The following TBXAS1 variants were observed in gnomAD, a reference collection of about 807,000 sequenced individuals.
TBXAS1 encodes the protein thromboxane A synthase 1, also known as thromboxane-A synthase.
In TBXAS1, 48 loss-of-function variants were observed where a neutral mutation model predicts 60.7. The observed-to-expected ratio is 0.79, with a 90% CI of 0.63 to 1.01. The LOEUF (loss-of-function observed/expected upper bound fraction) is 1.01. Among genes scored for constraint, TBXAS1 ranks in the 50% least tolerant of loss-of-function variants. The probability of loss-of-function intolerance (pLI) is 0.00; values close to 1 mark genes in which losing one functional copy is unlikely to be tolerated. For synonymous variants in TBXAS1, 287 were observed against 269.7 expected, an observed-to-expected ratio of 1.06 and a Z score of -0.63; for missense variants, 685 against 686.3, an observed-to-expected ratio of 1.00 and a Z score of 0.02.
intron 4 of TBXAS1, among the ~76,000 whole-genome samples, chr7:139,818,311 C>G (rs1798206196): frequency 6.6e-6 from 1 of 152,096 alleles, no homozygotes; most frequent in African/African-American, 2.4e-5. Flanking sequence ...GGTGCAGGTA[C>G]AAGTCAGACT....
intron 3 of TBXAS1, among the ~76,000 whole-genome samples, chr7:139,904,333 G>C (rs1804805110): frequency 6.6e-6 from 1 of 152,078 alleles, no homozygotes; most frequent in African/African-American, 2.4e-5. Context: ...GTATCATGCT[G>C]TTTTGGTAGC....
At chr7:140,001,650 C>T (rs1813683404) in intron 9 of TBXAS1, among the ~76,000 whole-genome samples, 1 of 152,194 alleles carries the variant, frequency 6.6e-6, no homozygotes, top group African/African-American at 2.4e-5. Context: ...CCTTGGCCTC[C>T]CAAAGTGCTG....
intron 1 of TBXAS1, among the ~76,000 whole-genome samples, chr7:139,862,857 T>G (rs750481768): frequency 6.6e-6 from 1 of 152,236 alleles, no homozygotes; most frequent in Non-Finnish European, 1.5e-5. Context: ...CCTGCCTTTG[T>G]TCTCAGCATA....
intron 9 of TBXAS1, among the ~76,000 whole-genome samples, chr7:139,980,818 G>A (rs1031010701): frequency 1.3e-5 from 2 of 151,722 alleles, no homozygotes; most frequent in Non-Finnish European, 2.9e-5. Context: ...CTTGGCTTCC[G>A]GTCTGCCTCT....
Position 139,955,574 on chromosome 7 carries a change from T to C in TBXAS1, c.655T>C (p.Phe219Leu). 6.2e-7 allele frequency: 1 copy of C among 1,614,232 alleles called. No homozygotes were observed. Among genetic ancestry groups the C allele is most frequent in the Non-Finnish European group, 8.5e-7 (1 of 1,180,036 alleles). Residue 219 changes from phenylalanine to leucine, a missense_variant, in exon 7 of 13, where the codon TTC (phenylalanine) becomes CTC (leucine). Transcript: ENST00000448866. The stretch of plus-strand genomic sequence containing the variant: ...GAAACACTGCAAGCGTTTCTTCGAA[T>C]TCTGCATCCCCAGACCTATCCTGGT... ...FVKHCKRFFE[F>L]CIPRPILVLL... is the part of the protein sequence containing the mutation.
chr7:139,957,536 G>T, intron 7 of TBXAS1, 98 bp from the exon 8 acceptor site: 1 of 1,569,192 alleles, frequency 6.4e-7, no homozygotes. Flanking sequence ...AAACGGCTCC[G>T]ATTCCAGGCC....
rs542740657 is a variant in TBXAS1, at chr7:139,903,754, T to C, written c.237-7471T>C. 3.9e-5 allele frequency among the ~76,000 whole-genome samples: 6 copies of C among 152,286 alleles called. No homozygotes were observed. The South Asian group carries it at 1.0e-3, about 26-fold the overall frequency. ...TATTGGCCATTTGTGTATCTTCTTT[T>C]GAGAATTGTCTATTCAGGTCCTTAG... On this transcript the variant is annotated intron_variant, in intron 3 of 12. Coordinates refer to ENST00000448866, the MANE Select transcript of TBXAS1 (RefSeq NM_001061.7).
At chr7:139,812,656 A>G (rs1798046212) in intron 4 of TBXAS1, among the ~76,000 whole-genome samples, 1 of 152,170 alleles carries the variant, frequency 6.6e-6, no homozygotes, top group African/African-American at 2.4e-5. Context: ...CCACATTCCT[A>G]TCCCCAGTTT....
At chr7:139,801,467 G>GT (rs1426013574) in intron 4 of TBXAS1, among the ~76,000 whole-genome samples, 1 of 109,200 alleles carries the variant, frequency 9.2e-6, no homozygotes, top group Non-Finnish European at 1.9e-5. Flanking sequence ...TGATCTCTTT[G>GT]TCCTTTTTTT....
chr7:139,987,186 G>C (rs1190367613), intron 9 of TBXAS1, among the ~76,000 whole-genome samples: 3 of 152,122 alleles, frequency 2.0e-5, no homozygotes, highest in African/African-American at 7.2e-5. Context: ...ATCGGCCTGG[G>C]CATTTGGCAT....
chr7:139,805,712 T>TTCTTTCTTTCTTTTCTC (rs753031062), intron 4 of TBXAS1, among the ~76,000 whole-genome samples: 43 of 44,356 alleles, frequency 9.7e-4, no homozygotes, highest in Admixed American at 8.8e-3. Flanking sequence ...CTTTCTTTCT[T>TTCTTTCTTTCTTTTCTC]TCTCTCTCTC....
intron 1 of TBXAS1, among the ~76,000 whole-genome samples, chr7:139,830,760 C>T (rs1371525226): frequency 9.9e-5 from 15 of 152,028 alleles, no homozygotes. Flanking sequence ...ATCTATGTAA[C>T]CTAAAAGAAA....
At chr7:139,955,395 G>A (rs1809765966) in intron 6 of TBXAS1, 64 bp from the exon 7 acceptor site, 2 of 1,606,012 alleles carry the variant, frequency 1.2e-6, no homozygotes, top group African/African-American at 1.3e-5. Context: ...CTCCTCTGGA[G>A]GGGGCCATTG....
At chr7:139,790,031 ACAT>A (rs1419409150) in intron 4 of TBXAS1, among the ~76,000 whole-genome samples, 1 of 152,240 alleles carries the variant, frequency 6.6e-6, no homozygotes, top group Non-Finnish European at 1.5e-5. Context: ...AATCGGAGCA[ACAT>A]CATTATTTAG....
At chr7:139,836,081 A>AATAC (rs1799042023) in intron 1 of TBXAS1, among the ~76,000 whole-genome samples, 1 of 151,056 alleles carries the variant, frequency 6.6e-6, no homozygotes. Flanking sequence ...TAAATAAATA[A>AATAC]ATAAAATACT....
chr7:139,996,454 T>A (rs528212936), intron 9 of TBXAS1, among the ~76,000 whole-genome samples: 1 of 152,166 alleles, frequency 6.6e-6, no homozygotes, highest in South Asian at 2.1e-4. Context: ...TGCGATACCA[T>A]CTCCCCACTT....
Position 139,778,764 on chromosome 7 carries a change from A to G in TBXAS1, c.-318+293A>G, listed in dbSNP as rs1462048430. Among the ~76,000 whole-genome samples, 2 of 151,984 alleles carry G rather than the reference A, an allele frequency of 1.3e-5. No homozygotes were observed. The highest frequency in any genetic ancestry group is 4.8e-5 in the African/African-American group (2 of 41,364). On this transcript the variant is annotated intron_variant, in intron 1 of 16. Coordinates refer to the TBXAS1 transcript ENST00000336425. This position sits in a 1 kb window ranked among gnomAD's most constrained non-coding sequence, Gnocchi z 4.8. ...CTCGCTTTTCTCAGCGCTCTCTCCT[A>G]TCAGGGCTTCCGCTAAACACTCTCC...
chr7:139,952,014 A>AAAG (rs1569518460), intron 5 of TBXAS1, among the ~76,000 whole-genome samples: 1,780 of 40,108 alleles, frequency 0.044, 14 homozygotes, highest in East Asian at 0.062. Context: ...AAGAAAGAAA[A>AAAG]AGAAAGGAAG....
At chr7:139,804,292 TC>T (rs1797789311) in intron 4 of TBXAS1, among the ~76,000 whole-genome samples, 1 of 152,212 alleles carries the variant, frequency 6.6e-6, no homozygotes, top group African/African-American at 2.4e-5. Flanking sequence ...GGCCTGTAGC[TC>T]CTTTGTTTTA....
Sources: gnomAD v4.1 joint callset for allele counts (sites outside exome capture counted in the v4.1 genomes callset) on GRCh38, gnomAD v4.1.1 for gene constraint, Gnocchi (gnomAD v3.1) non-coding constraint, MANE v1.5 for transcripts, NCBI Gene and HGNC (gene_info 2026-07-23, HGNC 2026-07-21) for gene names.